PRORP: variants seen among roughly 807,000 people sequenced by gnomAD.
The protein encoded by PRORP is protein only RNase P catalytic subunit.
PRORP carries 51 observed loss-of-function variants against 59.4 expected under a neutral mutation model. The ratio of observed to expected loss-of-function variants is 0.86; its 90% CI spans 0.69 to 1.08. The LOEUF (loss-of-function observed/expected upper bound fraction) is 1.08. PRORP is among the 50% of genes least tolerant of loss of function. The pLI, the probability that PRORP is intolerant of heterozygous loss-of-function variation, is 0.00. For synonymous variants in PRORP, 231 were observed against 245.6 expected, an observed-to-expected ratio of 0.94 and a Z score of 0.55; for missense variants, 646 against 690.3, an observed-to-expected ratio of 0.94 and a Z score of 0.72.
At chr14:35,147,509 A>T (rs112975194) in intron 4 of PRORP, among the ~76,000 whole-genome samples, 1,909 of 151,992 alleles carry the variant, frequency 0.013, 35 homozygotes, top group African/African-American at 0.041. Flanking sequence ...TGTCTAGCTA[A>T]TTTTTTCTAA....
Position 35,180,683 on chromosome 14 carries a change from T to G in PRORP, c.1181T>G (p.Phe394Cys). 6.2e-7 allele frequency: 1 copy of G among 1,607,608 alleles called. No homozygotes were observed. The change falls in exon 5 of 8, where the codon TTT (phenylalanine) becomes TGT (cysteine). Residue 394 changes from phenylalanine (F) to cysteine (C), a missense_variant. Transcript: ENST00000534898. ...RKTTPQELKR[F>C]ENFIKSRPPF... ...TTTCTTTATTAGGAACTTAAGAGAT[T>G]TGAGAACTTCATAAAATCTCGTCCT...
At chr14:35,262,998 G>A (rs2050943956) in intron 5 of PRORP, 1 of 1,597,398 alleles carries the variant, frequency 6.3e-7, no homozygotes, top group Admixed American at 1.7e-5. Context: ...TGGTATCTAT[G>A]TCTCTGAAAA....
At chr14:35,246,803 A>G (rs1308995541) in intron 5 of PRORP, among the ~76,000 whole-genome samples, 2 of 152,180 alleles carry the variant, frequency 1.3e-5, no homozygotes, top group South Asian at 2.1e-4. Flanking sequence ...ATGCCAAAAG[A>G]AACTCTTTTT....
intron 5 of PRORP, among the ~76,000 whole-genome samples, chr14:35,223,920 C>T (rs2049863840): frequency 6.6e-6 from 1 of 152,188 alleles, no homozygotes; most frequent in East Asian, 1.9e-4. Context: ...ACCTCTAGTA[C>T]CTCTGTATGG....
At chr14:35,183,216 A>G (rs974805746) in intron 5 of PRORP, among the ~76,000 whole-genome samples, 9 of 131,090 alleles carry the variant, frequency 6.9e-5, no homozygotes, top group African/African-American at 2.4e-4. Flanking sequence ...TAACACATAC[A>G]TACATACACA....
chr14:35,152,477 G>A (rs1293509910), intron 4 of PRORP, among the ~76,000 whole-genome samples: 3 of 152,236 alleles, frequency 2.0e-5, no homozygotes, highest in Non-Finnish European at 4.4e-5. Flanking sequence ...TGGCCGGGCA[G>A]AGGGGCTCCT....
intron 5 of PRORP, among the ~76,000 whole-genome samples, chr14:35,254,768 C>G (rs1193431426): frequency 2.6e-5 from 4 of 152,144 alleles, no homozygotes; most frequent in Non-Finnish European, 5.9e-5. Context: ...CTTATAAAGA[C>G]CCCTGGGATC....
chr14:35,182,535 G>T (rs4981270), intron 5 of PRORP, among the ~76,000 whole-genome samples: 2 of 151,904 alleles, frequency 1.3e-5, no homozygotes, highest in South Asian at 4.2e-4. Flanking sequence ...ATCCCAGCTA[G>T]TTGGGAGGCT....
At chr14:35,170,648 G>A (rs1006580529) in intron 4 of PRORP, among the ~76,000 whole-genome samples, 2 of 152,010 alleles carry the variant, frequency 1.3e-5, no homozygotes, top group East Asian at 3.9e-4. Context: ...ATAGTGCTAT[G>A]ATAATTTTTG....
At chr14:35,235,641 GCTT>G (rs1045454379) in intron 5 of PRORP, 44 of 442,542 alleles carry the variant, frequency 9.9e-5, no homozygotes, top group African/African-American at 8.4e-4. Flanking sequence ...AACAGCCTCT[GCTT>G]CTTCTCTTGG....
chr14:35,197,448 G>A (rs2049036768), intron 5 of PRORP, among the ~76,000 whole-genome samples: 1 of 152,120 alleles, frequency 6.6e-6, no homozygotes, highest in Admixed American at 6.5e-5. Context: ...TATTACAGTG[G>A]TAACACTTTA....
intron 5 of PRORP, among the ~76,000 whole-genome samples, chr14:35,209,753 C>T (rs896345168): frequency 6.6e-6 from 1 of 152,180 alleles, no homozygotes; most frequent in East Asian, 1.9e-4. Flanking sequence ...CCAGGCTGCT[C>T]TTAAACTCCT....
Position 35,126,820 on chromosome 14 carries a change from G to A in PRORP, c.1034+38G>A, listed in dbSNP as rs550378221. 6.7e-6 allele frequency: 10 copies of A among 1,494,534 alleles called. No homozygotes were observed. The East Asian group carries it at 1.8e-4, about 27-fold the overall frequency. 92.6% of individuals were successfully genotyped at this position (1,494,534 alleles called of 1,614,324 possible). ...GTTTATTTTTAACTTGTTTGATTTT[G>A]GTTTAGTAGGTTTTGTTGCTATTAA... On this transcript the variant is annotated intron_variant, in intron 3 of 7. Transcript: ENST00000534898.
intron 2 of PRORP, among the ~76,000 whole-genome samples, chr14:35,126,101 A>G (rs1393140723): frequency 6.6e-6 from 1 of 152,190 alleles, no homozygotes; most frequent in African/African-American, 2.4e-5. Flanking sequence ...AGGGATTAAG[A>G]TTGAAAACAG....
intron 5 of PRORP, chr14:35,235,568 A>C (rs921048936): frequency 1.9e-6 from 1 of 535,946 alleles, no homozygotes; most frequent in Non-Finnish European, 3.5e-6. Context: ...TCCTGCTCGA[A>C]GGACAGGTGG....
intron 7 of PRORP, 128 bp downstream of exon 7, chr14:35,270,724 AT>A (rs577702417): frequency 2.8e-5 from 24 of 852,520 alleles, no homozygotes; most frequent in Middle Eastern, 7.1e-4. Flanking sequence ...TTAGGTTAGT[AT>A]TTGGAACTAG....
At position 35,137,096 on chromosome 14, in the gene PRORP, C is replaced by CA. The variant is rs2047392921; in HGVS notation, c.1167+9486dup. Reference sequence around the variant, plus strand: ...TCAGTAGTTTAATGGGGGCCAAATTCAGCCAGGTTATAGCAGCTGAGTGAA... The same window carrying CA: ...TCAGTAGTTTAATGGGGGCCAAATTCAAGCCAGGTTATAGCAGCTGAGTGAA... On this transcript the variant is annotated intron_variant, in intron 4 of 7. Coordinates refer to ENST00000534898, the MANE Select transcript of PRORP (RefSeq NM_014672.4). Among the ~76,000 whole-genome samples the CA allele has an allele frequency of 1.4e-5, 2 of 145,604 alleles. 1 individual carries two copies. The highest frequency in any genetic ancestry group is 4.5e-4 in the South Asian group (2 of 4,454).
intron 4 of PRORP, among the ~76,000 whole-genome samples, chr14:35,130,155 C>T (rs1425988567): frequency 6.6e-6 from 1 of 151,780 alleles, no homozygotes; most frequent in Non-Finnish European, 1.5e-5. Context: ...CTCAGCCTCC[C>T]GAGTAGCTGG....
intron 5 of PRORP, among the ~76,000 whole-genome samples, chr14:35,208,273 A>T (rs995898301): frequency 2.0e-5 from 3 of 151,970 alleles, no homozygotes; most frequent in Non-Finnish European, 4.4e-5. Context: ...ATTAGCACCA[A>T]TAGAAATATA....
Sources: allele counts gnomAD v4.1 joint callset (sites outside exome capture counted in the v4.1 genomes callset), GRCh38; gene constraint gnomAD v4.1.1; transcripts MANE v1.5; gene names NCBI Gene and HGNC (gene_info 2026-07-23, HGNC 2026-07-21).